Variants in YWHAH observed in about 807,000 individuals in gnomAD.
YWHAH encodes 14-3-3 protein eta.
In YWHAH, 6 loss-of-function variants were observed where a neutral mutation model predicts 22.9. The observed-to-expected ratio is 0.26, with a 90% CI of 0.14 to 0.52. YWHAH has a LOEUF of 0.52. Ranked by LOEUF, YWHAH falls within the 20% of genes least tolerant of loss-of-function variation. YWHAH has a pLI of 0.97. For missense variants in YWHAH, 173 were observed against 308.6 expected (o/e 0.56, Z 3.29); for synonymous variants, 135 against 124.5 (o/e 1.08, Z -0.56).
In YWHAH at chr22:31,944,631, T is replaced by C. The variant is rs1305286097; in HGVS notation, c.-103T>C. The C allele has an allele frequency of 1.1e-6, 1 of 905,568 alleles. No individual in the cohort carries two copies. The highest frequency in any genetic ancestry group is 1.4e-6 in the Non-Finnish European group (1 of 715,650). 56.1% of individuals were successfully genotyped at this position (905,568 alleles called of 1,614,324 possible). A position where few individuals can be genotyped will look rare whatever the true frequency, so the allele number is the denominator to read the frequency against. ...CGGCCGGCCGGCGAGCCAGTGCGCG[T>C]GCGCGGCGGCGGCCTCCGCAGCGAC... On this transcript the variant is annotated 5_prime_UTR_variant, in exon 1 of 2. Transcript: ENST00000248975.
Position 31,956,882 on chromosome 22 carries a change from A to G in YWHAH, c.*90A>G, listed in dbSNP as rs1228955597. On this transcript the variant is annotated 3_prime_UTR_variant, in exon 2 of 2. Coordinates refer to ENST00000248975, the MANE Select transcript of YWHAH (RefSeq NM_003405.4). The surrounding 1 kb of genome is among the most constrained non-coding windows in gnomAD (Gnocchi z 5.1). ...CCACAATCACTAAATATCTAGTGCT[A>G]AACCTATCTGTATTGGCAGCACAGC... 7.0e-6 allele frequency: 10 copies of G among 1,423,518 alleles called. No individual in the cohort carries two copies. Among genetic ancestry groups the G allele is most frequent in the African/African-American group, 1.4e-5 (1 of 69,836 alleles). 88.2% of individuals were successfully genotyped at this position (1,423,518 alleles called of 1,614,324 possible). A position where few individuals can be genotyped will look rare whatever the true frequency, so the allele number is the denominator to read the frequency against.
intron 1 of YWHAH, chr22:31,945,783 C>A: frequency 1.1e-6 from 1 of 930,124 alleles, no homozygotes; most frequent in Non-Finnish European, 1.4e-6. Flanking sequence ...TGGGAGGATC[C>A]CCTTGAACTC....
At position 31,956,873 on chromosome 22, in the gene YWHAH, T is replaced by C; in HGVS notation, c.*81T>C. ...TCTTCCTTGCCACAATCACTAAATA[T>C]CTAGTGCTAAACCTATCTGTATTGG... On this transcript the variant is annotated 3_prime_UTR_variant, in exon 2 of 2. Transcript: ENST00000248975. The surrounding 1 kb of genome is among the most constrained non-coding windows in gnomAD (Gnocchi z 5.1). 3.4e-6 allele frequency: 5 copies of C among 1,462,696 alleles called. No homozygotes were observed. The highest frequency in any genetic ancestry group is 1.4e-5 in the South Asian group (1 of 71,660). The allele number at this position is 1,462,696 out of a possible 1,614,324, so 90.6% of individuals were successfully genotyped here.
At chr22:31,948,489 T>C (rs1233895046) in intron 1 of YWHAH, among the ~76,000 whole-genome samples, 1 of 151,838 alleles carries the variant, frequency 6.6e-6, no homozygotes, top group Non-Finnish European at 1.5e-5. Context: ...GCTCCTGGGC[T>C]CAAGTGAACC....
rs992666816 is a variant in YWHAH, at chr22:31,957,121, A to G, written c.*329A>G. ...AGAAAGAATTAGCCAACCAGGCTAC[A>G]GTTGATATTTAAAAGATCCATTTAA... On this transcript the variant is annotated 3_prime_UTR_variant, in exon 2 of 2. Transcript: ENST00000248975. 6.1e-5 allele frequency: 14 copies of G among 228,732 alleles called. No individual in the cohort carries two copies. The highest frequency in any genetic ancestry group is 3.0e-4 in the African/African-American group (13 of 43,892). 14.2% of individuals were successfully genotyped at this position (228,732 alleles called of 1,614,324 possible).
In YWHAH at chr22:31,956,628, G is replaced by A; in HGVS notation, c.577G>A (p.Ala193Thr). Residue 193 changes from alanine to threonine, a missense_variant, in exon 2 of 2, where the codon GCC (alanine) becomes ACC (threonine). Ala to Thr is a moderately conservative substitution (Grantham distance 58, BLOSUM62 0). Transcript: ENST00000248975. The surrounding 1 kb of genome is among the most constrained non-coding windows in gnomAD (Gnocchi z 5.1). Reference protein sequence around the residue: ...YYEIQNAPEQACLLAKQAFDD... With the variant: ...YYEIQNAPEQTCLLAKQAFDD... The stretch of plus-strand genomic sequence containing the variant: ...TGAGATCCAGAATGCACCTGAGCAA[G>A]CCTGCCTCTTAGCCAAACAAGCCTT... 1.2e-6 allele frequency: 2 copies of A among 1,614,142 alleles called. No homozygotes were observed. Among genetic ancestry groups the A allele is most frequent in the Non-Finnish European group, 1.7e-6 (2 of 1,180,036 alleles).
chr22:31,947,549 T>C (rs1275690440), intron 1 of YWHAH: 2 of 460,422 alleles, frequency 4.3e-6, no homozygotes, highest in Non-Finnish European at 9.0e-6. Flanking sequence ...TGTTGAGAAC[T>C]TCTCTTCCCT....
chr22:31,949,872 A>G (rs1197372003), intron 1 of YWHAH, among the ~76,000 whole-genome samples: 1 of 152,170 alleles, frequency 6.6e-6, no homozygotes, highest in East Asian at 1.9e-4. Flanking sequence ...TATATTAACC[A>G]TTGTCAGCAC....
At position 31,956,724 on chromosome 22, in the gene YWHAH, T is replaced by C. The variant is rs369393668; in HGVS notation, c.673T>C (p.Leu225=). The change falls in exon 2 of 2, where the codon TTG becomes CTG. Residue 225 remains leucine, a synonymous_variant. Transcript: ENST00000248975. The surrounding 1 kb of genome is among the most constrained non-coding windows in gnomAD (Gnocchi z 5.1). Reference sequence around the variant, plus strand: ...TAAGGACTCCACGCTGATCATGCAGTTGCTGCGAGACAACCTCACCCTCTG... The same window carrying C: ...TAAGGACTCCACGCTGATCATGCAGCTGCTGCGAGACAACCTCACCCTCTG... ...SYKDSTLIMQ[L]LRDNLTLWTS... The C allele has an allele frequency of 2.5e-6, 4 of 1,613,486 alleles. No individual in the cohort carries two copies. The highest frequency in any genetic ancestry group is 2.2e-5 in the South Asian group (2 of 91,022).
At chr22:31,951,612 G>T (rs1195726106) in intron 1 of YWHAH, among the ~76,000 whole-genome samples, 2 of 152,154 alleles carry the variant, frequency 1.3e-5, no homozygotes, top group Non-Finnish European at 2.9e-5. Context: ...TTTGCCTTGT[G>T]AGTAGTGGGT....
chr22:31,946,251 G>C (rs570068073), intron 1 of YWHAH, among the ~76,000 whole-genome samples: 48 of 152,320 alleles, frequency 3.2e-4, no homozygotes, highest in African/African-American at 1.1e-3. Context: ...CCGGGGGACG[G>C]TCTAGGTCTG....
At chr22:31,953,731 A>C (rs2149468399) in intron 1 of YWHAH, among the ~76,000 whole-genome samples, 1 of 152,236 alleles carries the variant, frequency 6.6e-6, no homozygotes, top group Non-Finnish European at 1.5e-5. Context: ...GAATAATGAG[A>C]ACCCTGGCTT....
intron 1 of YWHAH, chr22:31,945,401 GGGCGGGAGA>G: frequency 7.7e-7 from 1 of 1,300,190 alleles, no homozygotes; most frequent in Non-Finnish European, 1.0e-6. Flanking sequence ...GCGTGGACGG[GGGCGGGAGA>G]GTGGGCGGAG....
chr22:31,945,652 C>G (rs1297794477), intron 1 of YWHAH: 2 of 1,285,830 alleles, frequency 1.6e-6, no homozygotes, highest in African/African-American at 1.5e-5. Context: ...CCATCTCACT[C>G]TCTCTCCACG....
chr22:31,944,855 G>GGGGGCCGGGCGTTGGGGAGGGAC, intron 1 of YWHAH, 35 bp downstream of exon 1: 1 of 1,325,054 alleles, frequency 7.5e-7, no homozygotes, highest in Non-Finnish European at 9.7e-7. Flanking sequence ...GCTGGCCGGG[G>GGGGGCCGGGCGTTGGGGAGGGAC]GGGGCCTGGC....
At chr22:31,947,379 A>C (rs1422467037) in intron 1 of YWHAH, 1 of 466,782 alleles carries the variant, frequency 2.1e-6, no homozygotes, top group Non-Finnish European at 4.5e-6. Context: ...CAGTCTTCTA[A>C]CTTGTTTTCT....
chr22:31,955,608 A>T (rs1455393620), intron 1 of YWHAH, among the ~76,000 whole-genome samples: 1 of 151,906 alleles, frequency 6.6e-6, no homozygotes, highest in Admixed American at 6.6e-5. Flanking sequence ...ACGCCCAGCT[A>T]ATTTTTGTAT....
At chr22:31,945,986 C>G (rs969248407) in intron 1 of YWHAH, among the ~76,000 whole-genome samples, 2 of 152,168 alleles carry the variant, frequency 1.3e-5, no homozygotes, top group Non-Finnish European at 2.9e-5. Flanking sequence ...TCCCTAAAAT[C>G]TTAAGTCATT....
intron 1 of YWHAH, chr22:31,950,298 C>G (rs537932381): frequency 2.6e-6 from 2 of 779,116 alleles, no homozygotes; most frequent in East Asian, 4.9e-5. Context: ...CCCAAAATTT[C>G]TGTCTCTAGG....
Sources: gnomAD v4.1 joint callset for allele counts (sites outside exome capture counted in the v4.1 genomes callset) on GRCh38, gnomAD v4.1.1 for gene constraint, Gnocchi (gnomAD v3.1) non-coding constraint, MANE v1.5 for transcripts, NCBI Gene and HGNC (gene_info 2026-07-23, HGNC 2026-07-21) for gene names.